The following OCA2 variants were observed in gnomAD, a reference collection of about 807,000 sequenced individuals.
The protein encoded by OCA2 is OCA2 melanosomal transmembrane protein.
OCA2 carries 77 observed loss-of-function variants against 100.2 expected under a neutral mutation model. The observed-to-expected ratio is 0.77, with a 90% CI of 0.64 to 0.93. OCA2 has a LOEUF of 0.93. Ranked by LOEUF, OCA2 falls within the 40% of genes least tolerant of loss-of-function variation. The probability of loss-of-function intolerance (pLI) is 0.00; values close to 1 mark genes in which losing one functional copy is unlikely to be tolerated. For synonymous variants in OCA2, 432 were observed against 439.2 expected (o/e 0.98, Z 0.21); for missense variants, 1,062 against 1,089.1 (o/e 0.98, Z 0.35).
chr15:27,923,473 C>T lies in OCA2; in HGVS notation c.2079+2654G>A, dbSNP rs74655553. 7.2e-4 allele frequency among the ~76,000 whole-genome samples: 110 copies of T among 152,274 alleles called. 2 individuals carry two copies. In the East Asian group the frequency reaches 0.018, roughly 25 times the overall value. On this transcript the variant is annotated intron_variant, in intron 19 of 23. Coordinates refer to ENST00000354638, the MANE Select transcript of OCA2 (RefSeq NM_000275.3). Reference sequence around the variant, plus strand: ...ACAATGGTTGAACTAATTTACACTCCTGCCAGCAGTGTATAAGTGATCTCT... The same window carrying T: ...ACAATGGTTGAACTAATTTACACTCTTGCCAGCAGTGTATAAGTGATCTCT...
At chr15:27,985,292 T>C in intron 12 of OCA2, 104 bp from the exon 13 acceptor site, 1 of 1,373,408 alleles carries the variant, frequency 7.3e-7, no homozygotes, top group Non-Finnish European at 1.0e-6. Context: ...CAAACTAACA[T>C]TACCCCATGG....
chr15:28,015,023 G>A, intron 8 of OCA2, 94 bp from the exon 9 acceptor site: 1 of 1,315,890 alleles, frequency 7.6e-7, no homozygotes, highest in Non-Finnish European at 1.1e-6. Context: ...AGTGCAAATG[G>A]AACAATTCAG....
chr15:27,945,545 G>T (rs2039803760), intron 18 of OCA2, among the ~76,000 whole-genome samples: 1 of 152,096 alleles, frequency 6.6e-6, no homozygotes, highest in Non-Finnish European at 1.5e-5. Context: ...CCCCCAAGAG[G>T]CCCCAGTGTC....
intron 23 of OCA2, among the ~76,000 whole-genome samples, chr15:27,836,075 C>A (rs969778402): frequency 6.6e-6 from 1 of 152,314 alleles, no homozygotes; most frequent in East Asian, 1.9e-4. Flanking sequence ...GAGCCTCAGA[C>A]AGCCCTGCGA....
At chr15:28,036,409 C>T (rs2043046744) in intron 2 of OCA2, among the ~76,000 whole-genome samples, 1 of 152,146 alleles carries the variant, frequency 6.6e-6, no homozygotes, top group Non-Finnish European at 1.5e-5. Flanking sequence ...AGGAACAAAC[C>T]GCTATCCCCA....
chr15:27,941,063 T>C (rs2039630584), intron 18 of OCA2, among the ~76,000 whole-genome samples: 2 of 152,224 alleles, frequency 1.3e-5, no homozygotes, highest in African/African-American at 4.8e-5. Context: ...ATATTTCTAA[T>C]AATTCTGTAG....
At chr15:28,047,294 A>C (rs1362341060) in intron 2 of OCA2, among the ~76,000 whole-genome samples, 1 of 152,164 alleles carries the variant, frequency 6.6e-6, no homozygotes, top group Non-Finnish European at 1.5e-5. Flanking sequence ...TGTGGCTCAA[A>C]GAGCTATATT....
At chr15:27,730,381 AC>A in the OCA2 span, among the ~76,000 whole-genome samples, 1 of 152,110 alleles carries the variant, frequency 6.6e-6, no homozygotes, top group Admixed American at 6.6e-5. Context: ...GGTACACAGA[AC>A]TTCCCTGGCC....
At chr15:27,752,377 A>C (rs114095894), downstream of OCA2, among the ~76,000 whole-genome samples, 3,037 of 152,254 alleles carry the variant, frequency 0.02, 97 homozygotes, top group African/African-American at 0.064. Flanking sequence ...TTTAATAAGC[A>C]CTGGATTGTT....
At chr15:27,891,182 G>C (rs1595585304) in intron 19 of OCA2, among the ~76,000 whole-genome samples, 1 of 152,166 alleles carries the variant, frequency 6.6e-6, no homozygotes. Context: ...CTCAAGAAAA[G>C]ATAAAGGAAT....
intron 2 of OCA2, among the ~76,000 whole-genome samples, chr15:28,051,823 G>A (rs146996053): frequency 3.7e-4 from 56 of 152,030 alleles, no homozygotes; most frequent in East Asian, 5.8e-4. Context: ...GTCAGATTTC[G>A]TCCTCATGTG....
At chr15:27,826,223 G>A (rs766523322) in intron 23 of OCA2, among the ~76,000 whole-genome samples, 1 of 152,224 alleles carries the variant, frequency 6.6e-6, no homozygotes, top group Non-Finnish European at 1.5e-5. Context: ...GCAGAGTTGT[G>A]TATCAGGCAG....
intron 23 of OCA2, among the ~76,000 whole-genome samples, chr15:27,765,961 G>A (rs2031226325): frequency 6.6e-6 from 1 of 152,140 alleles, no homozygotes; most frequent in African/African-American, 2.4e-5. Context: ...GAATTAGAAT[G>A]CCTACCTTCC....
intron 22 of OCA2, among the ~76,000 whole-genome samples, chr15:27,845,592 C>A (rs527996306): frequency 2.0e-5 from 3 of 152,288 alleles, no homozygotes; most frequent in African/African-American, 7.2e-5. Context: ...CACATGCATG[C>A]GTGCCATCCT....
chr15:27,893,062 T>C (rs531185600), intron 19 of OCA2, among the ~76,000 whole-genome samples: 2 of 152,356 alleles, frequency 1.3e-5, no homozygotes, highest in East Asian at 3.9e-4. Context: ...AATTATTAAT[T>C]TGAAAGTTTC....
chr15:28,093,006 A>G (rs1200484349), intron 1 of OCA2, among the ~76,000 whole-genome samples: 3 of 152,160 alleles, frequency 2.0e-5, no homozygotes, highest in East Asian at 1.9e-4. Context: ...CAAAAAAAAA[A>G]GTAAAATGGG....
chr15:28,053,795 G>A (rs1317984592), intron 2 of OCA2, among the ~76,000 whole-genome samples: 1 of 152,186 alleles, frequency 6.6e-6, no homozygotes, highest in Admixed American at 6.5e-5. Flanking sequence ...GCAACCACGG[G>A]CAGGAATTGT....
At chr15:27,960,954 G>T (rs2040391719) in intron 15 of OCA2, among the ~76,000 whole-genome samples, 1 of 151,466 alleles carries the variant, frequency 6.6e-6, no homozygotes, top group Non-Finnish European at 1.5e-5. Flanking sequence ...TGACAAATGG[G>T]ATCTAATTAA....
chr15:27,939,774 C>T (rs1296549975), intron 18 of OCA2, among the ~76,000 whole-genome samples: 1 of 152,204 alleles, frequency 6.6e-6, no homozygotes, highest in Non-Finnish European at 1.5e-5. Flanking sequence ...TGGGTAAAAA[C>T]ACACTCAAAA....
Sources: gnomAD v4.1 joint callset for allele counts (sites outside exome capture counted in the v4.1 genomes callset) on GRCh38, gnomAD v4.1.1 for gene constraint, MANE v1.5 for transcripts, NCBI Gene and HGNC (gene_info 2026-07-23, HGNC 2026-07-21) for gene names.